ZNF536: variants seen among roughly 807,000 people sequenced by gnomAD.
ZNF536 encodes the protein zinc finger protein 536.
A neutral mutation model predicts 84.5 loss-of-function variants in ZNF536; 13 were observed. The ratio of observed to expected loss-of-function variants is 0.15; its 90% CI spans 0.10 to 0.24. The LOEUF (loss-of-function observed/expected upper bound fraction) is 0.24, where lower values mean the gene tolerates loss of function less well. ZNF536 is among the 10% of genes least tolerant of loss of function. The pLI is 1.00. For missense variants in ZNF536, 1,536 were observed against 1,747.5 expected (o/e 0.88, Z 2.16); for synonymous variants, 811 against 742.5 (o/e 1.09, Z -1.50).
chr19:30,381,704 T>C (rs2147172271), intron 1 of ZNF536, among the ~76,000 whole-genome samples: 1 of 152,270 alleles, frequency 6.6e-6, no homozygotes, highest in Non-Finnish European at 1.5e-5. Context: ...ATAGGAAGCC[T>C]CAAAGGGTAT....
intron 1 of ZNF536, among the ~76,000 whole-genome samples, chr19:30,691,409 T>G (rs2051403357): frequency 7.6e-6 from 1 of 130,846 alleles, no homozygotes; most frequent in Non-Finnish European, 1.7e-5. Flanking sequence ...ACCGAGACAT[T>G]CCTCAACTGT....
chr19:30,444,240 C>T lies in ZNF536; in HGVS notation c.678C>T (p.Pro226=), dbSNP rs577844999. 4 of 1,545,506 alleles carry T rather than the reference C, an allele frequency of 2.6e-6. No individual in the cohort carries two copies. The highest frequency in any genetic ancestry group is 2.3e-5 in the South Asian group (2 of 85,342). Residue 226 remains proline (P), a synonymous_variant, in exon 2 of 5, where the codon CCC becomes CCT. Coordinates refer to ENST00000355537, the MANE Select transcript of ZNF536 (RefSeq NM_014717.3). ...TGCAGCCCCGGCCGGACCTGAAGCC[C>T]CCGCCGCACGCCCAGCAGGCCCCGC... ...SLLQPRPDLK[P]PPHAQQAPLA... is the part of the protein sequence containing the mutation.
At chr19:30,506,956 C>A (rs536733603) in intron 2 of ZNF536, among the ~76,000 whole-genome samples, 1 of 152,312 alleles carries the variant, frequency 6.6e-6, no homozygotes, top group Admixed American at 6.5e-5. Context: ...GAAAAAACTA[C>A]TTATCTAAAT....
chr19:30,631,144 C>G (rs988516084), intron 1 of ZNF536, among the ~76,000 whole-genome samples: 2 of 152,184 alleles, frequency 1.3e-5, no homozygotes, highest in Non-Finnish European at 2.9e-5. Flanking sequence ...CTCCTGTAGC[C>G]CCTCGGAAGC....
At chr19:30,233,906 T>G (rs1310914002) in intron 1 of ZNF536, among the ~76,000 whole-genome samples, 2 of 152,184 alleles carry the variant, frequency 1.3e-5, no homozygotes, top group Non-Finnish European at 2.9e-5. Flanking sequence ...AGGACCTCTG[T>G]GATTTGCTCC....
At chr19:30,690,278 T>C (rs1429853921) in intron 1 of ZNF536, among the ~76,000 whole-genome samples, 1 of 152,068 alleles carries the variant, frequency 6.6e-6, no homozygotes, top group Admixed American at 6.5e-5. Flanking sequence ...AAAACAAAGG[T>C]CCAGTGAAGA....
chr19:30,683,172 G>T (rs1243211518), intron 1 of ZNF536, among the ~76,000 whole-genome samples: 5 of 152,114 alleles, frequency 3.3e-5, no homozygotes. Context: ...TTATGGCTGC[G>T]AGGCAGGGTT....
intron 2 of ZNF536, among the ~76,000 whole-genome samples, chr19:30,487,503 T>G (rs1010560393): frequency 3.3e-5 from 5 of 152,168 alleles, no homozygotes; most frequent in Non-Finnish European, 7.3e-5. Flanking sequence ...GGCATAGAAC[T>G]GATGCCTTCT....
At position 30,445,489 on chromosome 19, in the gene ZNF536, T is replaced by TA; in HGVS notation, c.1928dup (p.Tyr643Ter). ...CGACTGCGGCCGGGTGTTCCGCACT[T>TA]ACCACCAGGTGGTCGTGCACTCCCG... is the stretch of plus-strand genomic sequence containing the variant. Reference protein sequence around the residue: ...CPDCGRVFRTYHQVVVHSRVH... With the variant: ...CPDCGRVFRT Residue 643 changes from tyrosine to a stop codon, truncating the protein, a stop_gained and frameshift_variant, in exon 2 of 5, where the codon TAC becomes TAAC. Coordinates refer to ENST00000355537, the MANE Select transcript of ZNF536 (RefSeq NM_014717.3). LOFTEE classifies it high-confidence loss of function. This position sits in a 1 kb window ranked among gnomAD's most constrained non-coding sequence, Gnocchi z 4.5. The TA allele has an allele frequency of 6.2e-7, 1 of 1,614,062 alleles. No individual in the cohort carries two copies. Among genetic ancestry groups the TA allele is most frequent in the Non-Finnish European group, 8.5e-7 (1 of 1,180,004 alleles).
At chr19:30,492,602 G>A (rs978120591) in intron 2 of ZNF536, among the ~76,000 whole-genome samples, 6 of 152,164 alleles carry the variant, frequency 3.9e-5, no homozygotes, top group African/African-American at 1.4e-4. Flanking sequence ...CTTTGTAACA[G>A]AATATGCAGT....
rs1437416927 is a variant in ZNF536, at chr19:30,281,446, C to T, written c.-189-2626C>T. Among the ~76,000 whole-genome samples the T allele has an allele frequency of 2.0e-5, 3 of 152,334 alleles. No homozygotes were observed. The East Asian group carries it at 5.8e-4, about 29-fold the overall frequency. ...TGCTTAAGGGCTTGACTCAACTCTG[C>T]CCCTCTCCTGGTGCCCTGCCTTTGA... is the stretch of plus-strand genomic sequence containing the variant. On this transcript the variant is annotated intron_variant, in intron 1 of 5. Transcript: ENST00000585628.
At chr19:30,593,421 T>C (rs1435811832) in intron 1 of ZNF536, among the ~76,000 whole-genome samples, 1 of 152,100 alleles carries the variant, frequency 6.6e-6, no homozygotes, top group East Asian at 1.9e-4. Context: ...CTCCAAACCT[T>C]CTGGCTAGCT....
chr19:30,526,412 G>A (rs1013929077), intron 2 of ZNF536, among the ~76,000 whole-genome samples: 1 of 152,208 alleles, frequency 6.6e-6, no homozygotes, highest in Non-Finnish European at 1.5e-5. Flanking sequence ...GAGTTTCACA[G>A]ACTCCACCAA....
At chr19:30,651,352 C>T (rs1251280316) in intron 1 of ZNF536, among the ~76,000 whole-genome samples, 3 of 152,204 alleles carry the variant, frequency 2.0e-5, no homozygotes, top group Non-Finnish European at 2.9e-5. Context: ...TTTGACGTTA[C>T]TTCTCTGGTC....
At chr19:30,322,212 T>C (rs2046880539) in intron 2 of ZNF536, among the ~76,000 whole-genome samples, 1 of 152,258 alleles carries the variant, frequency 6.6e-6, no homozygotes, top group Admixed American at 6.5e-5. Context: ...TCATTTGTAA[T>C]AGCTGCCGTT....
At chr19:30,673,265 C>T (rs184107737) in intron 1 of ZNF536, among the ~76,000 whole-genome samples, 7 of 152,278 alleles carry the variant, frequency 4.6e-5, no homozygotes, top group Admixed American at 2.6e-4. Flanking sequence ...CCAAGCACAG[C>T]GCCTGGCCCT....
chr19:30,620,593 G>T (rs890038277), intron 1 of ZNF536, among the ~76,000 whole-genome samples: 1 of 152,152 alleles, frequency 6.6e-6, no homozygotes, highest in Non-Finnish European at 1.5e-5. Flanking sequence ...GGGCCACTGT[G>T]CAGAGTCTAA....
At chr19:30,302,666 G>T (rs1200205601) in intron 2 of ZNF536, among the ~76,000 whole-genome samples, 1 of 152,130 alleles carries the variant, frequency 6.6e-6, no homozygotes, top group Non-Finnish European at 1.5e-5. Flanking sequence ...TCTGGCGTCT[G>T]TGCCCTGTTA....
At chr19:30,398,592 A>T (rs370346194) in intron 1 of ZNF536, among the ~76,000 whole-genome samples, 1 of 151,858 alleles carries the variant, frequency 6.6e-6, no homozygotes, top group Admixed American at 6.6e-5. Context: ...CCCTGTGTCC[A>T]TGTGTTCTCA....
Sources: gnomAD v4.1 joint callset for allele counts (sites outside exome capture counted in the v4.1 genomes callset) on GRCh38, gnomAD v4.1.1 for gene constraint, Gnocchi (gnomAD v3.1) non-coding constraint, MANE v1.5 for transcripts, NCBI Gene and HGNC (gene_info 2026-07-23, HGNC 2026-07-21) for gene names.